Variants in LINGO2 observed in about 807,000 individuals in gnomAD.
LINGO2 encodes leucine rich repeat and Ig domain containing 2, also known as leucine-rich repeat and immunoglobulin-like domain-containing nogo receptor-interacting protein 2.
A neutral mutation model predicts 30.6 loss-of-function variants in LINGO2; 14 were observed. The observed-to-expected ratio is 0.46, with a 90% confidence interval of 0.30 to 0.72. LINGO2 has a LOEUF of 0.72. Among genes scored for constraint, LINGO2 ranks in the 30% least tolerant of loss-of-function variants. LINGO2 has a pLI of 0.07. For synonymous variants in LINGO2, 317 were observed against 288.5 expected, an observed-to-expected ratio of 1.10 and a Z score of -1.00; for missense variants, 729 against 751.7, an observed-to-expected ratio of 0.97 and a Z score of 0.35.
the LINGO2 span, among the ~76,000 whole-genome samples, chr9:28,725,131 C>A: frequency 1.3e-5 from 2 of 151,766 alleles, no homozygotes; most frequent in African/African-American, 4.8e-5. Context: ...TATACAGCAA[C>A]TATTTTACTT....
intron 4 of LINGO2, among the ~76,000 whole-genome samples, chr9:28,071,464 CTAGT>C (rs1343621906): frequency 6.6e-6 from 1 of 152,010 alleles, no homozygotes; most frequent in African/African-American, 2.4e-5. Context: ...AGCCTAGCTG[CTAGT>C]TAATTACTTT....
At position 28,034,949 on chromosome 9, in the gene LINGO2, A is replaced by C. The variant is rs577435675; in HGVS notation, c.-86-22544T>G. ...TTGAGTGTATAGAGTAAGTGTAGCT[A>C]GCTATGAGCACTGTGTACATGAGAA... On this transcript the variant is annotated intron_variant, in intron 4 of 5. Coordinates refer to ENST00000379992, the Ensembl canonical transcript of LINGO2. 1.1e-4 allele frequency among the ~76,000 whole-genome samples: 17 copies of C among 152,348 alleles called. No individual in the cohort carries two copies. The East Asian group carries it at 1.4e-3, about 12-fold the overall frequency.
At chr9:29,092,017 AT>A in the LINGO2 span, among the ~76,000 whole-genome samples, 1 of 152,072 alleles carries the variant, frequency 6.6e-6, no homozygotes, top group Non-Finnish European at 1.5e-5. Context: ...CTTGATGACT[AT>A]AAAAATAGTA....
chr9:28,011,506 C>A (rs1822552922), intron 5 of LINGO2, among the ~76,000 whole-genome samples: 1 of 152,130 alleles, frequency 6.6e-6, no homozygotes, highest in East Asian at 1.9e-4. Flanking sequence ...GTGATATAAA[C>A]CCCTCTTCAT....
the LINGO2 span, among the ~76,000 whole-genome samples, chr9:29,048,016 C>T: frequency 6.6e-6 from 1 of 151,982 alleles, no homozygotes; most frequent in Admixed American, 6.6e-5. Context: ...GAGTTTGAGG[C>T]ATGAGAATCA....
At chr9:28,028,374 CAG>C (rs1247562663) in intron 4 of LINGO2, among the ~76,000 whole-genome samples, 2 of 152,090 alleles carry the variant, frequency 1.3e-5, no homozygotes, top group Non-Finnish European at 2.9e-5. Context: ...GTCATAGCAA[CAG>C]TGTTACATCA....
chr9:28,804,188 T>G, the LINGO2 span, among the ~76,000 whole-genome samples: 2 of 152,086 alleles, frequency 1.3e-5, no homozygotes, highest in African/African-American at 4.8e-5. Flanking sequence ...TGTGGGTATT[T>G]GAGAAATGAG....
chr9:28,214,185 CT>C (rs1820688201), intron 4 of LINGO2, among the ~76,000 whole-genome samples: 2 of 151,536 alleles, frequency 1.3e-5, no homozygotes, highest in Non-Finnish European at 3.0e-5. Context: ...TAAATCTAAA[CT>C]TTGCTTGAGT....
At chr9:28,823,462 A>G in the LINGO2 span, among the ~76,000 whole-genome samples, 1 of 152,204 alleles carries the variant, frequency 6.6e-6, no homozygotes, top group African/African-American at 2.4e-5. Context: ...CTCCTTCAAA[A>G]GGTAAAATCT....
At chr9:28,561,481 T>A (rs113016920) in intron 1 of LINGO2, among the ~76,000 whole-genome samples, 1 of 150,902 alleles carries the variant, frequency 6.6e-6, no homozygotes, top group African/African-American at 2.4e-5. Flanking sequence ...CCTGTTTCTA[T>A]AATTAGTTTA....
At chr9:28,243,328 TG>T (rs1009499656) in intron 4 of LINGO2, among the ~76,000 whole-genome samples, 1 of 151,600 alleles carries the variant, frequency 6.6e-6, no homozygotes, top group Non-Finnish European at 1.5e-5. Flanking sequence ...GGTGTGGTGG[TG>T]GGTGCCTGTA....
chr9:28,839,891 C>T, the LINGO2 span, among the ~76,000 whole-genome samples: 801 of 152,250 alleles, frequency 5.3e-3, 7 homozygotes, highest in African/African-American at 0.018. Flanking sequence ...TGCCTGCAGG[C>T]TAGCACTGAG....
At chr9:28,035,036 A>G (rs1018868998) in intron 4 of LINGO2, among the ~76,000 whole-genome samples, 5 of 152,226 alleles carry the variant, frequency 3.3e-5, no homozygotes, top group African/African-American at 1.2e-4. Context: ...CTCAACATCC[A>G]TGCAACTCCT....
chr9:29,119,678 C>T, the LINGO2 span, among the ~76,000 whole-genome samples: 4 of 148,258 alleles, frequency 2.7e-5, no homozygotes, highest in East Asian at 2.0e-4. Flanking sequence ...TTCCACTTCC[C>T]GGGTTCAAGC....
chr9:28,106,300 C>T (rs1826590956), intron 4 of LINGO2, among the ~76,000 whole-genome samples: 1 of 152,084 alleles, frequency 6.6e-6, no homozygotes, highest in African/African-American at 2.4e-5. Flanking sequence ...AAAAGGAAGA[C>T]CCACACAATT....
At chr9:28,403,573 A>G (rs1822360251) in intron 2 of LINGO2, among the ~76,000 whole-genome samples, 1 of 151,450 alleles carries the variant, frequency 6.6e-6, no homozygotes, top group Non-Finnish European at 1.5e-5. Flanking sequence ...CCTCTTCTAA[A>G]CTTATCGAGG....
intron 1 of LINGO2, among the ~76,000 whole-genome samples, chr9:28,570,700 A>C (rs1823645172): frequency 6.6e-6 from 1 of 151,742 alleles, no homozygotes; most frequent in Non-Finnish European, 1.5e-5. Flanking sequence ...TAACTACAAA[A>C]CTCTATCTAC....
intron 3 of LINGO2, among the ~76,000 whole-genome samples, chr9:28,354,152 TA>T (rs199705884): frequency 0.024 from 3,666 of 149,940 alleles, 119 homozygotes; most frequent in African/African-American, 0.076. Flanking sequence ...TAAAGTTAAT[TA>T]AAAAAAAAAT....
chr9:29,045,277 C>T, the LINGO2 span, among the ~76,000 whole-genome samples: 1 of 152,006 alleles, frequency 6.6e-6, no homozygotes, highest in East Asian at 1.9e-4. Flanking sequence ...ATTTTCAGAC[C>T]GCAATTGGCC....
Sources: allele counts gnomAD v4.1 joint callset (sites outside exome capture counted in the v4.1 genomes callset), GRCh38; gene constraint gnomAD v4.1.1; transcripts MANE v1.5; gene names NCBI Gene and HGNC (gene_info 2026-07-23, HGNC 2026-07-21).